PDE4D: variants seen among roughly 807,000 people sequenced by gnomAD.
The protein encoded by PDE4D is 3',5'-cyclic-AMP phosphodiesterase 4D.
PDE4D carries 24 observed loss-of-function variants against 87.4 expected under a neutral mutation model. The observed-to-expected ratio is 0.27, with a 90% CI of 0.20 to 0.39. PDE4D has a LOEUF of 0.39. PDE4D is among the 10% of genes least tolerant of loss of function. PDE4D has a pLI of 1.00. For missense variants in PDE4D, 714 were observed against 1,041.0 expected (o/e 0.69, Z 4.32); for synonymous variants, 384 against 383.2 (o/e 1.00, Z -0.02).
chr5:59,453,085 C>T (rs1032162383), intron 1 of PDE4D, among the ~76,000 whole-genome samples: 4 of 151,824 alleles, frequency 2.6e-5, no homozygotes, highest in Non-Finnish European at 5.9e-5. Flanking sequence ...TGCAATATTT[C>T]AAACTTTTAA....
chr5:59,735,920 C>T (rs745412462), intron 1 of PDE4D, among the ~76,000 whole-genome samples: 9 of 151,992 alleles, frequency 5.9e-5, no homozygotes, highest in Non-Finnish European at 1.3e-4. Context: ...CCATCTGCCT[C>T]GGCCTCCCAA....
chr5:59,266,334 T>C (rs1762858253), intron 1 of PDE4D, among the ~76,000 whole-genome samples: 1 of 151,998 alleles, frequency 6.6e-6, no homozygotes, highest in South Asian at 2.1e-4. Flanking sequence ...ACATTGTTTT[T>C]AACAGTTTTT....
intron 1 of PDE4D, among the ~76,000 whole-genome samples, chr5:60,415,521 G>A (rs1043782786): frequency 1.1e-4 from 16 of 152,380 alleles, no homozygotes; most frequent in Admixed American, 4.6e-4. Context: ...AGTTCCGGTG[G>A]GCGTGGGCTT....
At chr5:60,216,647 C>T (rs1371996596) in intron 1 of PDE4D, among the ~76,000 whole-genome samples, 1 of 151,826 alleles carries the variant, frequency 6.6e-6, no homozygotes, top group Non-Finnish European at 1.5e-5. Flanking sequence ...AGTGGTTATG[C>T]TAATATAAGA....
At chr5:60,366,522 A>G (rs1418289792) in intron 1 of PDE4D, among the ~76,000 whole-genome samples, 2 of 152,224 alleles carry the variant, frequency 1.3e-5, no homozygotes, top group Non-Finnish European at 2.9e-5. Flanking sequence ...ACCAGATAAC[A>G]ATGTGCATGA....
chr5:60,314,158 G>A (rs1755312665), intron 1 of PDE4D, among the ~76,000 whole-genome samples: 1 of 151,492 alleles, frequency 6.6e-6, no homozygotes, highest in South Asian at 2.1e-4. Flanking sequence ...CTATCTGTAT[G>A]CAGACAGTAT....
At position 59,437,859 on chromosome 5, in the gene PDE4D, G is replaced by A. The variant is rs1797009741; in HGVS notation, c.456-221891C>T. ...TGCTATGAAGAAATGCCTGAGACTG[G>A]GTAATTTATAAAGAAAAGAGGTTTA... On this transcript the variant is annotated intron_variant, in intron 1 of 14. Coordinates refer to ENST00000340635, the MANE Select transcript of PDE4D (RefSeq NM_001104631.2). 2.0e-5 allele frequency among the ~76,000 whole-genome samples: 3 copies of A among 152,112 alleles called. No individual in the cohort carries two copies. The South Asian group carries it at 6.2e-4, about 32-fold the overall frequency.
rs1297394883 is a variant in PDE4D, at chr5:59,396,455, AC to A, written c.456-180488del. Among the ~76,000 whole-genome samples, 861 of 97,138 alleles carry A rather than the reference AC, an allele frequency of 8.9e-3. 167 individuals are homozygous for A. Among genetic ancestry groups the A allele is most frequent in the African/African-American group, 0.041 (829 of 20,140 alleles). The allele number at this position is 97,138 out of a possible 152,430, so 63.7% of individuals were successfully genotyped here. On this transcript the variant is annotated intron_variant, in intron 1 of 14. Transcript: ENST00000340635. ...ACATTCTTAAAGAAAAGAATTCTCA[AC>A]CCAGAATTTCATATCCAGCCAAACT...
chr5:59,079,788 T>C (rs1464926942), intron 5 of PDE4D, among the ~76,000 whole-genome samples: 1 of 148,836 alleles, frequency 6.7e-6, no homozygotes. Context: ...TGCAGTAAGC[T>C]ATGATTGCAT....
At chr5:59,605,371 T>G (rs542237101) in intron 1 of PDE4D, among the ~76,000 whole-genome samples, 44 of 152,232 alleles carry the variant, frequency 2.9e-4, no homozygotes, top group African/African-American at 9.9e-4. Flanking sequence ...ATAATAAATT[T>G]GTTATTTCTA....
At chr5:59,250,620 A>G (rs1193827378) in intron 1 of PDE4D, among the ~76,000 whole-genome samples, 1 of 152,164 alleles carries the variant, frequency 6.6e-6, no homozygotes. Flanking sequence ...TGGATAAAAT[A>G]TAAAGATGTC....
At chr5:59,576,521 G>A (rs1287299558) in intron 1 of PDE4D, among the ~76,000 whole-genome samples, 1 of 151,770 alleles carries the variant, frequency 6.6e-6, no homozygotes, top group African/African-American at 2.4e-5. Flanking sequence ...ATTCTTTTCT[G>A]TACACATAAT....
At chr5:59,836,655 TATC>T (rs377142529) in intron 1 of PDE4D, among the ~76,000 whole-genome samples, 3 of 149,696 alleles carry the variant, frequency 2.0e-5, no homozygotes, top group Non-Finnish European at 4.5e-5. Flanking sequence ...TCTATCTATC[TATC>T]ATCTATCTAC....
At chr5:60,265,976 G>A (rs1209377905) in intron 1 of PDE4D, among the ~76,000 whole-genome samples, 1 of 152,114 alleles carries the variant, frequency 6.6e-6, no homozygotes, top group African/African-American at 2.4e-5. Flanking sequence ...AAAGAGCGTT[G>A]GTCCCTCCTG....
intron 1 of PDE4D, among the ~76,000 whole-genome samples, chr5:60,197,077 T>TTAGATAGATAGATAGATAGA (rs70975372): frequency 8.5e-6 from 1 of 117,408 alleles, no homozygotes; most frequent in Non-Finnish European, 1.9e-5. Context: ...AGATAGACAG[T>TTAGATAGATAGATAGATAGA]TAGATAGATA....
intron 1 of PDE4D, among the ~76,000 whole-genome samples, chr5:59,226,357 T>C (rs1753776486): frequency 6.6e-6 from 1 of 152,142 alleles, no homozygotes; most frequent in Admixed American, 6.5e-5. Context: ...CATGGATGAA[T>C]TTTGAGGACA....
chr5:59,546,970 C>T (rs1218263902), intron 1 of PDE4D, among the ~76,000 whole-genome samples: 1 of 152,136 alleles, frequency 6.6e-6, no homozygotes, highest in Non-Finnish European at 1.5e-5. Context: ...CCTTCTCATA[C>T]AGTACAGCAT....
At chr5:59,435,511 G>T (rs531121993) in intron 1 of PDE4D, among the ~76,000 whole-genome samples, 1 of 152,076 alleles carries the variant, frequency 6.6e-6, no homozygotes. Flanking sequence ...CCTTTTAAGC[G>T]TAATCTCTTC....
At chr5:59,479,034 A>G (rs996650126) in intron 1 of PDE4D, among the ~76,000 whole-genome samples, 6 of 152,132 alleles carry the variant, frequency 3.9e-5, no homozygotes, top group African/African-American at 1.2e-4. Flanking sequence ...GATACACAAG[A>G]AACACGTCAT....
Sources: allele counts gnomAD v4.1 joint callset (sites outside exome capture counted in the v4.1 genomes callset), GRCh38; gene constraint gnomAD v4.1.1; transcripts MANE v1.5; gene names NCBI Gene and HGNC (gene_info 2026-07-23, HGNC 2026-07-21).